Variants in MIA2 observed in about 807,000 individuals in gnomAD.
The protein encoded by MIA2 is MIA SH3 domain ER export factor 2.
MIA2 carries 127 observed loss-of-function variants against 167.8 expected under a neutral mutation model. The ratio of observed to expected loss-of-function variants is 0.76; its 90% confidence interval spans 0.66 to 0.88. MIA2 has a LOEUF of 0.88. MIA2 is among the 40% of genes least tolerant of loss of function. The pLI, the probability that MIA2 is intolerant of heterozygous loss-of-function variation, is 0.00. For synonymous variants in MIA2, 552 were observed against 541.9 expected (o/e 1.02, Z -0.26); for missense variants, 1,690 against 1,624.7 (o/e 1.04, Z -0.69).
At chr14:39,299,241 G>C (rs1172088031) in intron 13 of MIA2, among the ~76,000 whole-genome samples, 1 of 147,712 alleles carries the variant, frequency 6.8e-6, no homozygotes, top group Admixed American at 6.7e-5. Flanking sequence ...TTCCTTTCCT[G>C]TAAAAGTATA....
At chr14:39,358,711 G>T (rs1401524619) in intron 23 of MIA2, among the ~76,000 whole-genome samples, 1 of 152,184 alleles carries the variant, frequency 6.6e-6, no homozygotes, top group Non-Finnish European at 1.5e-5. Flanking sequence ...TGATGATGGT[G>T]ATGTACAGAT....
At chr14:39,299,713 T>C (rs2062090362) in intron 13 of MIA2, 151 bp from the exon 14 acceptor site, 2 of 605,292 alleles carry the variant, frequency 3.3e-6, no homozygotes, top group Non-Finnish European at 5.3e-6. Context: ...AGTTGAAGAA[T>C]GTGTGTGTTA....
intron 6 of MIA2, chr14:39,266,619 A>T (rs2055695001): frequency 1.0e-6 from 1 of 985,480 alleles, no homozygotes; most frequent in East Asian, 1.1e-4. Context: ...TCCTGTCTAA[A>T]GTCCAAAGTC....
At chr14:39,266,561 G>T in intron 6 of MIA2, 2 of 985,528 alleles carry the variant, frequency 2.0e-6, no homozygotes, top group Non-Finnish European at 2.4e-6. Flanking sequence ...GTTCTCTTGC[G>T]TGGGACAGGT....
At chr14:39,386,933 T>C (rs1309689825) in exon 24 of MIA2, 2 of 771,404 alleles carry the variant, frequency 2.6e-6, no homozygotes. Flanking sequence ...GGTAGGGGCC[T>C]AGGAGGGCCC....
At position 39,252,876 on chromosome 14, in the gene MIA2, A is replaced by C. The variant is rs1273508106; in HGVS notation, c.1696A>C (p.Ile566Leu). ...VDTEGPALVEIDRSVENTLLN... is the reference protein window; with the variant it reads ...VDTEGPALVELDRSVENTLLN... ...CACCGAAGGGCCTGCTCTGGTGGAG[A>C]TAGACAGATCTGTGGAAAATACCCT... is the stretch of plus-strand genomic sequence containing the variant. Residue 566 changes from isoleucine to leucine, a missense_variant, in exon 5 of 29, where the codon ATA becomes CTA. Coordinates refer to ENST00000640607, the MANE Select transcript of MIA2 (RefSeq NM_001329214.4). 1 of 1,614,070 alleles carries C rather than the reference A, an allele frequency of 6.2e-7. No individual in the cohort carries two copies. The highest frequency in any genetic ancestry group is 1.1e-5 in the South Asian group (1 of 91,078).
chr14:39,315,303 CA>C (rs11345079), intron 20 of MIA2: 45,045 of 132,104 alleles, frequency 0.34, 6,903 homozygotes, highest in East Asian at 0.51. Flanking sequence ...GACTCCGTCT[CA>C]AAAAAAAAAA....
intron 23 of MIA2, chr14:39,386,455 C>T (rs893925915): frequency 1.3e-6 from 2 of 1,540,350 alleles, no homozygotes; most frequent in African/African-American, 2.7e-5. Context: ...AACTACATCT[C>T]TGATTGGCCC....
intron 25 of MIA2, among the ~76,000 whole-genome samples, chr14:39,340,607 G>A (rs2071581355): frequency 6.6e-6 from 1 of 152,092 alleles, no homozygotes; most frequent in South Asian, 2.1e-4. Context: ...TTGTCTTAAG[G>A]CTCATTTTGA....
chr14:39,260,651 T>G (rs554788205), intron 6 of MIA2, among the ~76,000 whole-genome samples: 4 of 152,284 alleles, frequency 2.6e-5, no homozygotes, highest in Admixed American at 1.3e-4. Flanking sequence ...CTCCCATTCT[T>G]TAGGTTGCCT....
chr14:39,350,435 A>C lies in MIA2; in HGVS notation c.*171A>C, dbSNP rs1048936565. ...GATTTAAATATGAATCTTATGAGTA[A>C]ATTATTTCAATTTTATTTTAGACGG... On this transcript the variant is annotated 3_prime_UTR_variant, in exon 29 of 29. Coordinates refer to ENST00000640607, the MANE Select transcript of MIA2 (RefSeq NM_001329214.4). 7 of 438,970 alleles carry C rather than the reference A, an allele frequency of 1.6e-5. No homozygotes were observed. The highest frequency in any genetic ancestry group is 2.5e-5 in the Non-Finnish European group (6 of 244,674). 27.2% of individuals were successfully genotyped at this position (438,970 alleles called of 1,614,324 possible).
chr14:39,300,101 T>C, intron 14 of MIA2, 115 bp downstream of exon 14: 2 of 1,324,624 alleles, frequency 1.5e-6, no homozygotes, highest in Non-Finnish European at 2.1e-6. Flanking sequence ...TCATAACATA[T>C]TTGGCCAGAT....
intron 4 of MIA2, 111 bp from the exon 5 acceptor site, chr14:39,252,637 A>G (rs1459607877): frequency 4.3e-6 from 3 of 702,084 alleles, no homozygotes; most frequent in Middle Eastern, 4.0e-4. Context: ...TTAACGAAGT[A>G]TCATAATGAC....
chr14:39,298,229 C>G (rs1284964507), intron 13 of MIA2, among the ~76,000 whole-genome samples: 2 of 151,606 alleles, frequency 1.3e-5, no homozygotes, highest in African/African-American at 4.8e-5. Context: ...TTGTAATAAT[C>G]CAAATTCTTG....
At chr14:39,326,749 T>C in intron 24 of MIA2, 115 bp from the exon 25 acceptor site, 1 of 904,978 alleles carries the variant, frequency 1.1e-6, no homozygotes, top group South Asian at 2.3e-5. Flanking sequence ...TACACTGTTA[T>C]TTTTCAGACT....
At chr14:39,266,494 A>G in intron 6 of MIA2, 1 of 985,490 alleles carries the variant, frequency 1.0e-6, no homozygotes, top group Non-Finnish European at 1.2e-6. Flanking sequence ...GGAACTGAAG[A>G]CAGCTGGGCC....
intron 23 of MIA2, among the ~76,000 whole-genome samples, chr14:39,377,703 G>A (rs2075070852): frequency 6.6e-6 from 1 of 151,570 alleles, no homozygotes; most frequent in African/African-American, 2.4e-5. Flanking sequence ...ATTACACTTG[G>A]CTTGATTATT....
At chr14:39,369,123 C>G (rs1240899054) in intron 23 of MIA2, among the ~76,000 whole-genome samples, 1 of 152,130 alleles carries the variant, frequency 6.6e-6, no homozygotes, top group Non-Finnish European at 1.5e-5. Context: ...ACATGGCTTT[C>G]TCAAGTGAGA....
chr14:39,281,521 A>G (rs1195259055), intron 9 of MIA2, among the ~76,000 whole-genome samples: 1 of 149,930 alleles, frequency 6.7e-6, no homozygotes, highest in African/African-American at 2.5e-5. Context: ...CTGCAGTTTT[A>G]TTGTGGCTCT....
Sources: allele counts gnomAD v4.1 joint callset (sites outside exome capture counted in the v4.1 genomes callset), GRCh38; gene constraint gnomAD v4.1.1; transcripts MANE v1.5; gene names NCBI Gene and HGNC (gene_info 2026-07-23, HGNC 2026-07-21).